Variants in TECRL observed in about 807,000 individuals in gnomAD.
The protein encoded by TECRL is trans-2,3-enoyl-CoA reductase like, also known as trans-2,3-enoyl-CoA reductase-like.
Under a neutral mutation model 52.8 loss-of-function variants are expected in TECRL, and 63 were observed. The observed-to-expected ratio is 1.19, with a 90% CI of 0.97 to 1.47. TECRL has a LOEUF of 1.47. Ranked by LOEUF, TECRL falls within the 40% of genes most tolerant of loss-of-function variation. The probability of loss-of-function intolerance (pLI) is 0.00; values close to 1 mark genes in which losing one functional copy is unlikely to be tolerated. For synonymous variants in TECRL, 164 were observed against 141.9 expected (o/e 1.16, Z -1.10); for missense variants, 482 against 429.6 (o/e 1.12, Z -1.08).
rs915076382 is a variant in TECRL at position 64,322,650 on chromosome 4, A to G, written c.435+39T>C. ...CTGTCAATAAATTATTTAGAGCAAA[A>G]TATGAGAAATGTATATTACATTTCA... On this transcript the variant is annotated intron_variant, in intron 4 of 11. Transcript: ENST00000381210. 2.1e-6 allele frequency: 3 copies of G among 1,396,518 alleles called. No individual in the cohort carries two copies. In the African/African-American group the frequency reaches 4.4e-5, roughly 20 times the overall value. 86.5% of individuals were successfully genotyped at this position (1,396,518 alleles called of 1,614,324 possible).
At position 64,279,688 on chromosome 4, in the gene TECRL, A is replaced by G. The variant is rs547037812; in HGVS notation, c.*384T>C. ...TGTTGAGCATTTTAAAAATATACTT[A>G]TTGACCATGTATATGTCTTCCTTTG... On this transcript the variant is annotated 3_prime_UTR_variant, in exon 12 of 12. Coordinates refer to ENST00000381210, the MANE Select transcript of TECRL (RefSeq NM_001010874.5). 4 of 633,800 alleles carry G rather than the reference A, an allele frequency of 6.3e-6. No homozygotes were observed. In the East Asian group the frequency reaches 5.6e-4, roughly 88 times the overall value. The allele number at this position is 633,800 out of a possible 1,614,324, so 39.3% of individuals were successfully genotyped here.
intron 4 of TECRL, among the ~76,000 whole-genome samples, chr4:64,316,558 A>G (rs1438351814): frequency 2.0e-5 from 3 of 152,154 alleles, no homozygotes; most frequent in Non-Finnish European, 4.4e-5. Flanking sequence ...GAAGAAAATA[A>G]GGGCTAGATA....
intron 1 of TECRL, among the ~76,000 whole-genome samples, chr4:64,395,902 A>G (rs1020000250): frequency 6.6e-6 from 1 of 152,136 alleles, no homozygotes; most frequent in African/African-American, 2.4e-5. Flanking sequence ...TTTAGATCCT[A>G]TTTATAAGTA....
At chr4:64,361,331 T>C (rs7678517) in intron 2 of TECRL, among the ~76,000 whole-genome samples, 136,753 of 152,148 alleles carry the variant, frequency 0.9, 62,120 homozygotes, top group East Asian at 1. Flanking sequence ...GAACCTGTCA[T>C]CATCCCACCA....
intron 2 of TECRL, among the ~76,000 whole-genome samples, chr4:64,339,451 T>C (rs979936159): frequency 9.2e-5 from 14 of 151,598 alleles, no homozygotes; most frequent in Non-Finnish European, 1.6e-4. Context: ...TAAAAATATA[T>C]ATATATATAT....
At chr4:64,347,804 T>C (rs1720095003) in intron 2 of TECRL, among the ~76,000 whole-genome samples, 1 of 152,106 alleles carries the variant, frequency 6.6e-6, no homozygotes, top group Non-Finnish European at 1.5e-5. Flanking sequence ...GAGATGAGGT[T>C]TGGGTTGGGA....
chr4:64,362,370 A>G (rs1721257935), intron 2 of TECRL, among the ~76,000 whole-genome samples: 1 of 152,054 alleles, frequency 6.6e-6, no homozygotes, highest in Non-Finnish European at 1.5e-5. Context: ...GATGCTATGA[A>G]AAACAACCAT....
chr4:64,318,693 C>T (rs1438944924), intron 4 of TECRL, among the ~76,000 whole-genome samples: 1 of 151,860 alleles, frequency 6.6e-6, no homozygotes, highest in Non-Finnish European at 1.5e-5. Flanking sequence ...GAAAAGAGAA[C>T]TGCCAACATA....
chr4:64,400,662 C>A (rs1452461143), intron 1 of TECRL, among the ~76,000 whole-genome samples: 1 of 152,086 alleles, frequency 6.6e-6, no homozygotes, highest in Admixed American at 6.6e-5. Flanking sequence ...TGGCACTGTC[C>A]TCTTCATAGT....
intron 2 of TECRL, among the ~76,000 whole-genome samples, chr4:64,329,300 C>A (rs981620108): frequency 1.3e-5 from 2 of 151,708 alleles, no homozygotes; most frequent in African/African-American, 4.8e-5. Context: ...ATTTACCACA[C>A]GTATAATAAA....
chr4:64,351,316 C>A (rs1720373968), intron 2 of TECRL, among the ~76,000 whole-genome samples: 1 of 151,372 alleles, frequency 6.6e-6, no homozygotes, highest in Non-Finnish European at 1.5e-5. Flanking sequence ...CAGAGTCTCA[C>A]TTTGTCACTG....
intron 9 of TECRL, among the ~76,000 whole-genome samples, chr4:64,283,583 A>G (rs1019591775): frequency 5.3e-5 from 8 of 152,090 alleles, no homozygotes; most frequent in Middle Eastern, 6.3e-3. Context: ...CACATCTAAA[A>G]CAAACTGCTA....
At chr4:64,368,839 G>A (rs1191440675) in intron 2 of TECRL, among the ~76,000 whole-genome samples, 1 of 151,978 alleles carries the variant, frequency 6.6e-6, no homozygotes, top group Non-Finnish European at 1.5e-5. Flanking sequence ...CTCCTGCTCT[G>A]CTATCTTTGT....
chr4:64,365,217 A>AC (rs1721511569), intron 2 of TECRL, among the ~76,000 whole-genome samples: 1 of 151,562 alleles, frequency 6.6e-6, no homozygotes, highest in Non-Finnish European at 1.5e-5. Context: ...TTAAAAAAAA[A>AC]AAAGCTATAC....
chr4:64,301,936 C>G (rs755388759), intron 7 of TECRL, among the ~76,000 whole-genome samples: 1 of 151,118 alleles, frequency 6.6e-6, no homozygotes, highest in Non-Finnish European at 1.5e-5. Flanking sequence ...GTCATTATAA[C>G]ACTTATTAAA....
chr4:64,348,567 C>A (rs992786219), intron 2 of TECRL, among the ~76,000 whole-genome samples: 2 of 152,136 alleles, frequency 1.3e-5, no homozygotes, highest in Admixed American at 1.3e-4. Flanking sequence ...TTCTTTTTTC[C>A]GGTGCTGTCA....
At chr4:64,304,800 A>G (rs1247331649) in intron 7 of TECRL, 3 of 154,120 alleles carry the variant, frequency 1.9e-5, no homozygotes, top group African/African-American at 7.2e-5. Context: ...TTGTTGAATT[A>G]TATTTAAAAG....
intron 2 of TECRL, among the ~76,000 whole-genome samples, chr4:64,367,930 T>C (rs1412113773): frequency 6.6e-6 from 1 of 152,058 alleles, no homozygotes; most frequent in Non-Finnish European, 1.5e-5. Context: ...TTTAGTTTCT[T>C]TGTCTCCAGT....
At chr4:64,298,934 A>G (rs1248791318) in intron 8 of TECRL, 1 of 151,184 alleles carries the variant, frequency 6.6e-6, no homozygotes, top group East Asian at 1.9e-4. Flanking sequence ...CGCTGTTACA[A>G]CACGTGAATC....
Sources: gnomAD v4.1 joint callset for allele counts (sites outside exome capture counted in the v4.1 genomes callset) on GRCh38, gnomAD v4.1.1 for gene constraint, MANE v1.5 for transcripts, NCBI Gene and HGNC (gene_info 2026-07-23, HGNC 2026-07-21) for gene names.